The following HS6ST3 variants were observed in gnomAD, a reference collection of about 807,000 sequenced individuals.
HS6ST3 encodes heparan sulfate 6-O-sulfotransferase 3, also known as heparan-sulfate 6-O-sulfotransferase 3.
A neutral mutation model predicts 36.7 loss-of-function variants in HS6ST3; 12 were observed. The observed-to-expected ratio is 0.33, with a 90% CI of 0.21 to 0.53. The LOEUF (loss-of-function observed/expected upper bound fraction) is 0.53, where lower values mean the gene tolerates loss of function less well. Among genes scored for constraint, HS6ST3 ranks in the 20% least tolerant of loss-of-function variants. The pLI is 0.95. For synonymous variants in HS6ST3, 240 were observed against 257.5 expected (o/e 0.93, Z 0.65); for missense variants, 584 against 640.9 (o/e 0.91, Z 0.96).
chr13:96,208,780 A>T (rs1031364787), intron 1 of HS6ST3, among the ~76,000 whole-genome samples: 2 of 152,194 alleles, frequency 1.3e-5, no homozygotes, highest in Non-Finnish European at 2.9e-5. Flanking sequence ...TGATATCCTC[A>T]ATTAAAAGGG....
chr13:96,135,022 A>C (rs184418270), intron 1 of HS6ST3, among the ~76,000 whole-genome samples: 2 of 152,142 alleles, frequency 1.3e-5, no homozygotes, highest in Non-Finnish European at 2.9e-5. Context: ...GCGCCACATT[A>C]CTGAAAGAAG....
chr13:96,306,333 A>G (rs2054913196), intron 1 of HS6ST3, among the ~76,000 whole-genome samples: 7 of 151,640 alleles, frequency 4.6e-5, no homozygotes. Flanking sequence ...TGATCTCTTG[A>G]TCTTGTGATC....
intron 1 of HS6ST3, among the ~76,000 whole-genome samples, chr13:96,460,900 C>T (rs1396351968): frequency 2.0e-5 from 3 of 152,134 alleles, no homozygotes; most frequent in Non-Finnish European, 4.4e-5. Flanking sequence ...GGGAGCTGGA[C>T]ATCTATTGCC....
intron 1 of HS6ST3, among the ~76,000 whole-genome samples, chr13:96,136,186 A>G (rs2054000732): frequency 1.3e-5 from 2 of 152,156 alleles, no homozygotes; most frequent in African/African-American, 2.4e-5. Flanking sequence ...CCTTGTGTTC[A>G]TTTTACCTCT....
At chr13:96,279,830 A>C (rs1196876520) in intron 1 of HS6ST3, among the ~76,000 whole-genome samples, 1 of 152,146 alleles carries the variant, frequency 6.6e-6, no homozygotes, top group African/African-American at 2.4e-5. Flanking sequence ...TCTGAATTGC[A>C]CCTATAGTTT....
intron 1 of HS6ST3, among the ~76,000 whole-genome samples, chr13:96,678,862 A>G (rs1363938374): frequency 6.6e-6 from 1 of 151,734 alleles, no homozygotes; most frequent in Admixed American, 6.6e-5. Context: ...TTTTCTTATC[A>G]CTCCAACTAT....
At chr13:96,177,030 C>G (rs756281059) in intron 1 of HS6ST3, among the ~76,000 whole-genome samples, 7 of 152,164 alleles carry the variant, frequency 4.6e-5, no homozygotes, top group Non-Finnish European at 8.8e-5. Flanking sequence ...AGCTCAATAT[C>G]ACTGATCATT....
intron 1 of HS6ST3, among the ~76,000 whole-genome samples, chr13:96,148,303 C>T (rs976838130): frequency 2.6e-5 from 4 of 152,168 alleles, no homozygotes; most frequent in African/African-American, 9.7e-5. Flanking sequence ...CTGTTAAGTG[C>T]ATATTGGACA....
chr13:96,688,913 C>A (rs1874859881), intron 1 of HS6ST3, among the ~76,000 whole-genome samples: 1 of 151,980 alleles, frequency 6.6e-6, no homozygotes, highest in South Asian at 2.1e-4. Flanking sequence ...CTTAAAAATC[C>A]AGCTGAAATC....
intron 1 of HS6ST3, among the ~76,000 whole-genome samples, chr13:96,697,015 T>C (rs1364852351): frequency 6.6e-6 from 1 of 152,056 alleles, no homozygotes; most frequent in Non-Finnish European, 1.5e-5. Flanking sequence ...AGAATAAATA[T>C]CCCAGAAAAT....
intron 1 of HS6ST3, among the ~76,000 whole-genome samples, chr13:96,456,161 A>C (rs1309922988): frequency 6.6e-6 from 1 of 152,206 alleles, no homozygotes; most frequent in Non-Finnish European, 1.5e-5. Context: ...GGTGTAGTAG[A>C]ATGACTACAG....
chr13:96,562,353 A>G (rs1250779371), intron 1 of HS6ST3, among the ~76,000 whole-genome samples: 1 of 152,138 alleles, frequency 6.6e-6, no homozygotes, highest in East Asian at 1.9e-4. Context: ...GATGGCAACA[A>G]TAGACACTAG....
chr13:96,234,096 C>T (rs1421480042), intron 1 of HS6ST3, among the ~76,000 whole-genome samples: 6 of 147,080 alleles, frequency 4.1e-5, no homozygotes, highest in African/African-American at 1.5e-4. Context: ...GTTTTTTCAT[C>T]TGTTAAAAAA....
intron 1 of HS6ST3, among the ~76,000 whole-genome samples, chr13:96,830,909 A>G (rs1237805475): frequency 6.6e-6 from 1 of 152,214 alleles, no homozygotes; most frequent in Non-Finnish European, 1.5e-5. Context: ...GCTAAAGGAC[A>G]AAAGGCTGCA....
intron 1 of HS6ST3, among the ~76,000 whole-genome samples, chr13:96,229,069 C>A (rs1927806): frequency 0.45 from 68,400 of 151,946 alleles, 15,828 homozygotes; most frequent in Admixed American, 0.56. Context: ...CCAAAATGTC[C>A]CCCATTTCAA....
chr13:96,761,821 T>TA (rs1876978038), intron 1 of HS6ST3, among the ~76,000 whole-genome samples: 1 of 152,196 alleles, frequency 6.6e-6, no homozygotes. Flanking sequence ...TACACATATT[T>TA]ACTGCATTCA....
At chr13:96,757,609 T>C (rs1001330296) in intron 1 of HS6ST3, among the ~76,000 whole-genome samples, 1 of 152,088 alleles carries the variant, frequency 6.6e-6, no homozygotes, top group Non-Finnish European at 1.5e-5. Flanking sequence ...AACGGTAAGG[T>C]TTTTGTAGAT....
chr13:96,777,235 A>G (rs897903721), intron 1 of HS6ST3, among the ~76,000 whole-genome samples: 1 of 152,230 alleles, frequency 6.6e-6, no homozygotes, highest in African/African-American at 2.4e-5. Context: ...AGCCAATAGC[A>G]TACTGAAGGG....
chr13:96,838,791 A>G lies in HS6ST3; in HGVS notation c.*5593A>G, dbSNP rs1878999599. On this transcript the variant is annotated 3_prime_UTR_variant, in exon 2 of 2. Transcript: ENST00000376705. ...GAATTGATGGAATGCACATGAACCC[A>G]TCTTCACAGCATGTGAAAGAACCAA... 1 of 152,258 alleles carries G rather than the reference A, an allele frequency of 6.6e-6. No individual in the cohort carries two copies. Among genetic ancestry groups the G allele is most frequent in the Non-Finnish European group, 1.5e-5 (1 of 68,066 alleles). The allele number at this position is 152,258 out of a possible 1,614,324, so 9.4% of individuals were successfully genotyped here. A position where few individuals can be genotyped will look rare whatever the true frequency, so the allele number is the denominator to read the frequency against.
Sources: gnomAD v4.1 joint callset for allele counts (sites outside exome capture counted in the v4.1 genomes callset) on GRCh38, gnomAD v4.1.1 for gene constraint, MANE v1.5 for transcripts, NCBI Gene and HGNC (gene_info 2026-07-23, HGNC 2026-07-21) for gene names.